Variants in FER observed in about 807,000 individuals in gnomAD.
The protein encoded by FER is tyrosine-protein kinase Fer.
A neutral mutation model predicts 111.0 loss-of-function variants in FER; 63 were observed. The observed-to-expected ratio is 0.57, with a 90% CI of 0.46 to 0.70. The LOEUF (loss-of-function observed/expected upper bound fraction) is 0.70. Among genes scored for constraint, FER ranks in the 30% least tolerant of loss-of-function variants. The pLI is 0.00. For synonymous variants in FER, 327 were observed against 313.9 expected, an observed-to-expected ratio of 1.04 and a Z score of -0.44; for missense variants, 914 against 954.0, an observed-to-expected ratio of 0.96 and a Z score of 0.55.
intron 9 of FER, among the ~76,000 whole-genome samples, chr5:108,896,684 G>A (rs1749155412): frequency 2.0e-5 from 3 of 152,092 alleles, no homozygotes; most frequent in East Asian, 3.9e-4. Context: ...ATATCCATCA[G>A]CATCATATAT....
At position 109,168,010 on chromosome 5, in the gene FER, T is replaced by C. The variant is rs151274420; in HGVS notation, c.2049-12737T>C. 7.9e-3 allele frequency among the ~76,000 whole-genome samples: 1,188 copies of C among 150,432 alleles called. 12 individuals carry two copies. The highest frequency in any genetic ancestry group is 0.028 in the African/African-American group (1,151 of 40,422). ...ATGACACTGTCTCTTAGCTTAATTA[T>C]ACCAAATGCCTGAAAGAGTGAACCT... On this transcript the variant is annotated intron_variant, in intron 17 of 19. Coordinates refer to ENST00000281092, the MANE Select transcript of FER (RefSeq NM_005246.4).
chr5:109,105,205 G>A (rs1220785851), intron 17 of FER, among the ~76,000 whole-genome samples: 2 of 149,170 alleles, frequency 1.3e-5, no homozygotes, highest in Non-Finnish European at 3.0e-5. Flanking sequence ...TTAGTTAAAT[G>A]TAAGATACTG....
Position 109,195,203 on chromosome 5 carries a change from T to G in FER, c.*7628T>G, listed in dbSNP as rs1003927344. 6.6e-6 allele frequency: 1 copy of G among 152,230 alleles called. No homozygotes were observed. The highest frequency in any genetic ancestry group is 1.5e-5 in the Non-Finnish European group (1 of 68,040). The allele number at this position is 152,230 out of a possible 1,614,324, so 9.4% of individuals were successfully genotyped here. Reference sequence around the variant, plus strand: ...GAGGGAAAGGTGCCCAGAGCCATGCTTGATAGGACTTTGAATATTTTCTCC... The same window carrying G: ...GAGGGAAAGGTGCCCAGAGCCATGCGTGATAGGACTTTGAATATTTTCTCC... On this transcript the variant is annotated 3_prime_UTR_variant, in exon 20 of 20. Transcript: ENST00000281092.
At chr5:109,123,443 C>T (rs1273073473) in intron 17 of FER, among the ~76,000 whole-genome samples, 1 of 151,988 alleles carries the variant, frequency 6.6e-6, no homozygotes, top group Non-Finnish European at 1.5e-5. Context: ...GTGTGAGCCA[C>T]ATCACCCAGC....
At chr5:108,920,871 C>G (rs981970451) in intron 10 of FER, among the ~76,000 whole-genome samples, 1 of 152,092 alleles carries the variant, frequency 6.6e-6, no homozygotes, top group Non-Finnish European at 1.5e-5. Context: ...TCACCATGAA[C>G]TCAATTACAT....
chr5:108,965,047 C>T (rs1171667997), intron 13 of FER, among the ~76,000 whole-genome samples: 2 of 151,884 alleles, frequency 1.3e-5, no homozygotes, highest in Non-Finnish European at 2.9e-5. Flanking sequence ...TGGAAACTCA[C>T]AGTTTGAAAA....
At chr5:109,019,685 A>G (rs1767670758) in intron 13 of FER, among the ~76,000 whole-genome samples, 1 of 151,816 alleles carries the variant, frequency 6.6e-6, no homozygotes, top group African/African-American at 2.4e-5. Context: ...TTGAAAAACA[A>G]TTGTAATAAC....
chr5:109,036,911 G>A (rs1048523355), intron 13 of FER, among the ~76,000 whole-genome samples: 4 of 151,952 alleles, frequency 2.6e-5, no homozygotes, highest in African/African-American at 9.7e-5. Flanking sequence ...TATACCACAG[G>A]AGATTACTTG....
chr5:108,795,394 CTTT>C (rs1380392302), intron 2 of FER, among the ~76,000 whole-genome samples: 1 of 114,638 alleles, frequency 8.7e-6, no homozygotes. Context: ...TTTTTGTTTT[CTTT>C]TTTTTTTTTT....
chr5:109,099,519 T>C (rs1282545339), intron 16 of FER, among the ~76,000 whole-genome samples: 2 of 151,536 alleles, frequency 1.3e-5, no homozygotes. Context: ...ACATCTAAAT[T>C]GAGATGTATC....
intron 17 of FER, among the ~76,000 whole-genome samples, chr5:109,168,733 CCTATGT>C (rs1041414414): frequency 6.6e-6 from 1 of 152,142 alleles, no homozygotes; most frequent in Non-Finnish European, 1.5e-5. Flanking sequence ...ATTTTAAAAT[CCTATGT>C]CTTAGTTCTT....
intron 13 of FER, among the ~76,000 whole-genome samples, chr5:108,973,331 T>TA (rs1180969490): frequency 2.2e-4 from 34 of 152,284 alleles, no homozygotes; most frequent in Middle Eastern, 6.8e-3. Flanking sequence ...CTATTTTATG[T>TA]AGACTAAGTT....
chr5:108,783,921 C>A (rs1051597655), intron 2 of FER, among the ~76,000 whole-genome samples: 1 of 152,098 alleles, frequency 6.6e-6, no homozygotes, highest in Non-Finnish European at 1.5e-5. Flanking sequence ...GGATATCTAG[C>A]AAAACTGGGT....
intron 9 of FER, among the ~76,000 whole-genome samples, chr5:108,893,277 A>T (rs977092134): frequency 6.6e-6 from 1 of 151,412 alleles, no homozygotes. Context: ...CATTTTCACG[A>T]TATTGGTTCT....
In FER at chr5:108,798,147, C is replaced by T. The variant is rs575745920; in HGVS notation, c.-36C>T. 2 of 1,531,610 alleles carry T rather than the reference C, an allele frequency of 1.3e-6. No individual in the cohort carries two copies. The highest frequency in any genetic ancestry group is 1.4e-5 in the African/African-American group (1 of 73,070). The allele number at this position is 1,531,610 out of a possible 1,614,324, so 94.9% of individuals were successfully genotyped here. ...AGATATGTGCTGATTAGAAGGCTCA[C>T]TTGTGCAGTGTGGAGGATAACCAGT... On this transcript the variant is annotated 5_prime_UTR_variant, in exon 3 of 20. Coordinates refer to ENST00000281092, the MANE Select transcript of FER (RefSeq NM_005246.4).
At chr5:108,985,246 G>A (rs902623229) in intron 13 of FER, among the ~76,000 whole-genome samples, 6 of 152,032 alleles carry the variant, frequency 3.9e-5, no homozygotes, top group Non-Finnish European at 7.4e-5. Flanking sequence ...ATATAGCTCT[G>A]AATAGATTTT....
At chr5:109,107,215 A>G (rs770446482) in intron 17 of FER, among the ~76,000 whole-genome samples, 1 of 152,202 alleles carries the variant, frequency 6.6e-6, no homozygotes, top group East Asian at 1.9e-4. Context: ...TTTTGGATTC[A>G]GAATGTCAAA....
intron 10 of FER, among the ~76,000 whole-genome samples, chr5:108,908,720 CAAAA>C (rs534004723): frequency 2.9e-5 from 2 of 69,620 alleles, no homozygotes; most frequent in Non-Finnish European, 3.3e-5. Context: ...GACTCCGTCT[CAAAA>C]AAAAAAAAAA....
intron 13 of FER, among the ~76,000 whole-genome samples, chr5:108,999,707 A>G (rs1035327916): frequency 2.7e-5 from 4 of 147,752 alleles, no homozygotes; most frequent in African/African-American, 1.0e-4. Flanking sequence ...CATTCTTACT[A>G]TTTTTTTTTT....
Sources: gnomAD v4.1 joint callset for allele counts (sites outside exome capture counted in the v4.1 genomes callset) on GRCh38, gnomAD v4.1.1 for gene constraint, MANE v1.5 for transcripts, NCBI Gene and HGNC (gene_info 2026-07-23, HGNC 2026-07-21) for gene names.